The following TP63 variants were observed in gnomAD, a reference collection of about 807,000 sequenced individuals.
TP63 encodes tumor protein 63.
TP63 carries 17 observed loss-of-function variants against 82.8 expected under a neutral mutation model. The observed-to-expected ratio is 0.21, with a 90% confidence interval of 0.14 to 0.31. The LOEUF (loss-of-function observed/expected upper bound fraction) is 0.31. Among genes scored for constraint, TP63 ranks in the 10% least tolerant of loss-of-function variants. The pLI is 1.00. For missense variants in TP63, 648 were observed against 895.3 expected (o/e 0.72, Z 3.52); for synonymous variants, 330 against 321.7 (o/e 1.03, Z -0.28).
intron 1 of TP63, among the ~76,000 whole-genome samples, chr3:189,668,564 C>T (rs1274477086): frequency 6.6e-6 from 1 of 151,858 alleles, no homozygotes; most frequent in East Asian, 1.9e-4. Context: ...GGATTTCAAC[C>T]AAATAAATAG....
chr3:189,699,086 G>A (rs1407555803), intron 1 of TP63, among the ~76,000 whole-genome samples: 1 of 152,082 alleles, frequency 6.6e-6, no homozygotes, highest in African/African-American at 2.4e-5. Flanking sequence ...CAATCAAGTA[G>A]GAAAGAAAGA....
At chr3:189,858,390 C>T (rs1265479653) in intron 4 of TP63, among the ~76,000 whole-genome samples, 1 of 10,028 alleles carries the variant, frequency 1.0e-4, no homozygotes, top group Non-Finnish European at 1.9e-4. Flanking sequence ...TGGGCGACAG[C>T]GAGACTCCGT....
intron 3 of TP63, among the ~76,000 whole-genome samples, chr3:189,757,841 C>T (rs1341529626): frequency 2.6e-5 from 4 of 152,038 alleles, no homozygotes; most frequent in African/African-American, 9.7e-5. Flanking sequence ...TGGTTGCAGC[C>T]AGCACCAGGG....
At chr3:189,719,895 A>G (rs1323790501) in intron 1 of TP63, among the ~76,000 whole-genome samples, 1 of 152,222 alleles carries the variant, frequency 6.6e-6, no homozygotes, top group Non-Finnish European at 1.5e-5. Context: ...TGCATTTGAG[A>G]AGCATTGAAC....
At chr3:189,839,010 G>A (rs1287252341) in intron 4 of TP63, among the ~76,000 whole-genome samples, 1 of 132,096 alleles carries the variant, frequency 7.6e-6, no homozygotes, top group Non-Finnish European at 1.5e-5. Flanking sequence ...CACTTTTAAG[G>A]TGCACTAAAA....
chr3:189,777,755 A>AT (rs757870411), intron 3 of TP63, among the ~76,000 whole-genome samples: 8,777 of 110,676 alleles, frequency 0.079, 565 homozygotes, highest in African/African-American at 0.2. Context: ...TTGTAAACAT[A>AT]TTTTTTTTTT....
the TP63 span, among the ~76,000 whole-genome samples, chr3:189,599,814 G>T: frequency 6.6e-6 from 1 of 152,080 alleles, no homozygotes; most frequent in South Asian, 2.1e-4. Context: ...CACTAGATTT[G>T]AAAATTGTTT....
intron 1 of TP63, among the ~76,000 whole-genome samples, chr3:189,720,127 C>T (rs1719270943): frequency 6.6e-6 from 1 of 152,044 alleles, no homozygotes; most frequent in African/African-American, 2.4e-5. Flanking sequence ...TTCATTTTTT[C>T]CACGCCACCT....
intron 9 of TP63, among the ~76,000 whole-genome samples, chr3:189,871,672 T>C (rs1356175984): frequency 6.6e-6 from 1 of 152,212 alleles, no homozygotes; most frequent in Admixed American, 6.5e-5. Context: ...GCAGTTGTGC[T>C]AAGTGCCTCT....
chr3:189,827,729 G>A (rs1295078796), intron 4 of TP63, among the ~76,000 whole-genome samples: 1 of 152,200 alleles, frequency 6.6e-6, no homozygotes, highest in Non-Finnish European at 1.5e-5. Flanking sequence ...AGCAGGAAAT[G>A]AGGCTAGAGA....
intron 3 of TP63, among the ~76,000 whole-genome samples, chr3:189,754,931 A>G (rs1722077092): frequency 6.6e-6 from 1 of 151,936 alleles, no homozygotes; most frequent in Admixed American, 6.6e-5. Context: ...GCTAAAATTC[A>G]GTGTAGGCAG....
At chr3:189,787,104 G>A (rs13091613) in intron 3 of TP63, among the ~76,000 whole-genome samples, 1 of 151,958 alleles carries the variant, frequency 6.6e-6, no homozygotes, top group Non-Finnish European at 1.5e-5. Flanking sequence ...TTTTCATTGT[G>A]AGGATACCTT....
chr3:189,700,453 T>C (rs1347182165), intron 1 of TP63, among the ~76,000 whole-genome samples: 1 of 152,194 alleles, frequency 6.6e-6, no homozygotes, highest in African/African-American at 2.4e-5. Flanking sequence ...TACTTATTAA[T>C]ATCCCAAAAT....
chr3:189,774,077 C>T (rs560789871), intron 3 of TP63, among the ~76,000 whole-genome samples: 12 of 152,154 alleles, frequency 7.9e-5, no homozygotes, highest in African/African-American at 2.4e-4. Flanking sequence ...TATCCACCAC[C>T]ACGCCCAGCT....
the TP63 span, among the ~76,000 whole-genome samples, chr3:189,623,555 T>C: frequency 6.6e-5 from 10 of 152,196 alleles, no homozygotes; most frequent in African/African-American, 2.4e-4. Context: ...TACTGGGATC[T>C]ATTTGAGCAT....
intron 3 of TP63, among the ~76,000 whole-genome samples, chr3:189,795,847 G>A (rs1036372427): frequency 4.6e-5 from 7 of 151,954 alleles, no homozygotes; most frequent in Admixed American, 6.6e-5. Context: ...AAATTAGCCC[G>A]AATGATTCCT....
chr3:189,752,661 CTTGA>C (rs1364067605), intron 3 of TP63, among the ~76,000 whole-genome samples: 1 of 151,974 alleles, frequency 6.6e-6, no homozygotes, highest in African/African-American at 2.4e-5. Context: ...CCATTTTCAA[CTTGA>C]TTATTTCCGG....
At chr3:189,770,246 G>A (rs1576915345) in intron 3 of TP63, among the ~76,000 whole-genome samples, 1 of 152,052 alleles carries the variant, frequency 6.6e-6, no homozygotes, top group Admixed American at 6.6e-5. Context: ...TTTTTTATCT[G>A]TTGCTTTCTA....
At chr3:189,731,189 C>G (rs1478795031) in intron 1 of TP63, among the ~76,000 whole-genome samples, 1 of 151,990 alleles carries the variant, frequency 6.6e-6, no homozygotes, top group Non-Finnish European at 1.5e-5. Flanking sequence ...ACGAAAAATA[C>G]AAAAATTAGC....
Sources: allele counts gnomAD v4.1 joint callset (sites outside exome capture counted in the v4.1 genomes callset), GRCh38; gene constraint gnomAD v4.1.1; transcripts MANE v1.5; gene names NCBI Gene and HGNC (gene_info 2026-07-23, HGNC 2026-07-21).